The following UXS1 variants were observed in gnomAD, a reference collection of about 807,000 sequenced individuals.
UXS1 encodes UDP-glucuronic acid decarboxylase 1.
UXS1 carries 33 observed loss-of-function variants against 62.6 expected under a neutral mutation model. The ratio of observed to expected loss-of-function variants is 0.53; its 90% CI spans 0.40 to 0.70. UXS1 has a LOEUF of 0.70. Ranked by LOEUF, UXS1 falls within the 30% of genes least tolerant of loss-of-function variation. UXS1 has a pLI of 0.00. For missense variants in UXS1, 434 were observed against 556.3 expected (o/e 0.78, Z 2.21); for synonymous variants, 213 against 206.8 (o/e 1.03, Z -0.26).
At chr2:106,121,768 A>C (rs1054914983) in intron 9 of UXS1, among the ~76,000 whole-genome samples, 2 of 152,266 alleles carry the variant, frequency 1.3e-5, no homozygotes, top group Non-Finnish European at 2.9e-5. Flanking sequence ...AAACAATAGC[A>C]TAAGGTTAAT....
At chr2:106,181,884 G>T (rs1684268772) in intron 1 of UXS1, among the ~76,000 whole-genome samples, 1 of 152,198 alleles carries the variant, frequency 6.6e-6, no homozygotes, top group South Asian at 2.1e-4. Context: ...CTTTCTGAAA[G>T]TAGGGCACTT....
chr2:106,138,433 G>A (rs1172828789), intron 6 of UXS1: 4 of 985,318 alleles, frequency 4.1e-6, no homozygotes, highest in Admixed American at 6.1e-5. Context: ...CTAGAGGGAG[G>A]GGAGGCCCCC....
At chr2:106,131,299 C>T (rs373873557) in intron 6 of UXS1, among the ~76,000 whole-genome samples, 5 of 128,112 alleles carry the variant, frequency 3.9e-5, no homozygotes, top group Non-Finnish European at 5.1e-5. Flanking sequence ...AGTCTGAGAT[C>T]AAACTGCAAG....
intron 5 of UXS1, among the ~76,000 whole-genome samples, chr2:106,145,673 C>T (rs1681500728): frequency 6.6e-6 from 1 of 152,098 alleles, no homozygotes; most frequent in South Asian, 2.1e-4. Flanking sequence ...TCCCATTAGT[C>T]AAAGGTTCTT....
rs182710772 is a variant in UXS1 at position 106,157,652 on chromosome 2, A to G, written c.291+406T>C. ...ATCAATTGAGAAACAGGGAAACAGT[A>G]TGTGGTACACCCATACAATGGAGCA... On this transcript the variant is annotated intron_variant, in intron 5 of 14. Coordinates refer to ENST00000283148, the MANE Select transcript of UXS1 (RefSeq NM_001253875.2). Among the ~76,000 whole-genome samples the G allele has an allele frequency of 7.2e-5, 11 of 152,360 alleles. No homozygotes were observed. The East Asian group carries it at 2.1e-3, about 29-fold the overall frequency.
At chr2:106,096,852 G>A in intron 13 of UXS1, 31 bp from the exon 14 acceptor site, 6 of 1,551,862 alleles carry the variant, frequency 3.9e-6, no homozygotes, top group Non-Finnish European at 5.2e-6. Flanking sequence ...AAAGGTAGGA[G>A]AGAATCACAA....
At chr2:106,175,769 C>A (rs1683839281) in intron 1 of UXS1, among the ~76,000 whole-genome samples, 1 of 152,192 alleles carries the variant, frequency 6.6e-6, no homozygotes, top group South Asian at 2.1e-4. Context: ...GATGCTCTAA[C>A]CTGGGTGTGG....
At chr2:106,128,459 A>G (rs1680153032) in intron 7 of UXS1, among the ~76,000 whole-genome samples, 1 of 152,106 alleles carries the variant, frequency 6.6e-6, no homozygotes, top group African/African-American at 2.4e-5. Context: ...GATAATTTGA[A>G]TGTGTAGACT....
In UXS1 at chr2:106,130,011, G is replaced by C. The variant is rs574935670; in HGVS notation, c.473-233C>G. Among the ~76,000 whole-genome samples, 11 of 152,248 alleles carry C rather than the reference G, an allele frequency of 7.2e-5. 1 individual carries two copies. The South Asian group carries it at 2.1e-3, about 29-fold the overall frequency. The stretch of plus-strand genomic sequence containing the variant: ...TGCTGGGTCAGCTGAGTCTGTTCTC[G>C]TGTAACCAGAGTCAATTCGATTACT... On this transcript the variant is annotated intron_variant, in intron 6 of 14. Transcript: ENST00000283148.
At chr2:106,184,184 T>C (rs1428059793) in intron 1 of UXS1, among the ~76,000 whole-genome samples, 1 of 151,618 alleles carries the variant, frequency 6.6e-6, no homozygotes, top group Non-Finnish European at 1.5e-5. Context: ...AGAGCAAAAC[T>C]CCATCTCAGA....
At chr2:106,104,279 A>T (rs1318470019) in intron 11 of UXS1, among the ~76,000 whole-genome samples, 3 of 152,210 alleles carry the variant, frequency 2.0e-5, no homozygotes, top group Non-Finnish European at 4.4e-5. Context: ...TGGGTTTATA[A>T]GGGCTGCCAA....
At chr2:106,112,229 G>A (rs938430137) in intron 10 of UXS1, among the ~76,000 whole-genome samples, 1 of 152,204 alleles carries the variant, frequency 6.6e-6, no homozygotes, top group Non-Finnish European at 1.5e-5. Context: ...AGGGCCTGCC[G>A]GCATTGTCAA....
At chr2:106,161,422 G>T (rs966742512) in intron 4 of UXS1, among the ~76,000 whole-genome samples, 1 of 152,104 alleles carries the variant, frequency 6.6e-6, no homozygotes, top group African/African-American at 2.4e-5. Context: ...ACCTGTAGCA[G>T]GTGAAAATCC....
rs113152670 is a variant in UXS1, at chr2:106,129,780, T to C, written c.473-2A>G. ...ATGCCAGATGGTATATCTGGTCAAC[T>C]AAAGGAGACAAAACAGAAGCCTATT... On this transcript the variant is annotated splice_acceptor_variant, in intron 6 of 14. Coordinates refer to ENST00000283148, the MANE Select transcript of UXS1 (RefSeq NM_001253875.2). LOFTEE classifies it high-confidence loss of function. 1 of 1,593,552 alleles carries C rather than the reference T, an allele frequency of 6.3e-7. No homozygotes were observed. Among genetic ancestry groups the C allele is most frequent in the Non-Finnish European group, 8.6e-7 (1 of 1,168,338 alleles).
In UXS1 at chr2:106,129,775, T is replaced by G. The variant is rs1310824463; in HGVS notation, c.476A>C (p.Asp159Ala). Reference sequence around the variant, plus strand: ...TGGAGATGCCAGATGGTATATCTGGTCAACTAAAGGAGACAAAACAGAAGC... The same window carrying G: ...TGGAGATGCCAGATGGTATATCTGGGCAACTAAAGGAGACAAAACAGAAGC... ...DVVEPLYIEV[D>A]QIYHLASPAS... The change falls in exon 7 of 15, where the codon GAC (aspartate) becomes GCC (alanine). Residue 159 changes from aspartate (D) to alanine (A), a missense_variant. This residue lies in a region of UXS1 where 134 missense variants were observed against 251.9 expected (regional missense o/e 0.53). Coordinates refer to ENST00000283148, the MANE Select transcript of UXS1 (RefSeq NM_001253875.2). 5 of 1,600,994 alleles carry G rather than the reference T, an allele frequency of 3.1e-6. No homozygotes were observed. The highest frequency in any genetic ancestry group is 4.3e-6 in the Non-Finnish European group (5 of 1,172,466).
intron 4 of UXS1, among the ~76,000 whole-genome samples, 162 bp downstream of exon 4, chr2:106,163,505 C>T (rs1683029740): frequency 1.3e-5 from 2 of 152,216 alleles, no homozygotes; most frequent in Non-Finnish European, 2.9e-5. Flanking sequence ...TAGATTGATT[C>T]TTCTCCCCAT....
intron 1 of UXS1, among the ~76,000 whole-genome samples, chr2:106,192,373 T>C (rs1378975006): frequency 6.6e-6 from 1 of 152,140 alleles, no homozygotes; most frequent in Non-Finnish European, 1.5e-5. Flanking sequence ...GCTAACATGG[T>C]GAAACCCCGT....
At chr2:106,173,385 T>G (rs1185907140) in intron 1 of UXS1, among the ~76,000 whole-genome samples, 2 of 152,022 alleles carry the variant, frequency 1.3e-5, no homozygotes, top group Non-Finnish European at 2.9e-5. Context: ...AAATCCTGTC[T>G]CTACAAAAAA....
intron 1 of UXS1, among the ~76,000 whole-genome samples, chr2:106,171,552 C>A (rs977885297): frequency 6.6e-6 from 1 of 152,134 alleles, no homozygotes; most frequent in African/African-American, 2.4e-5. Flanking sequence ...CATAAAAGCC[C>A]GGGATTTTAA....
Sources: gnomAD v4.1 joint callset for allele counts (sites outside exome capture counted in the v4.1 genomes callset) on GRCh38, gnomAD v4.1.1 for gene constraint, gnomAD v4.1.1 regional missense constraint, MANE v1.5 for transcripts, NCBI Gene and HGNC (gene_info 2026-07-23, HGNC 2026-07-21) for gene names.